The following TBC1D1 variants were observed in gnomAD, a reference collection of about 807,000 sequenced individuals.
TBC1D1 encodes TBC1 domain family member 1.
TBC1D1 carries 89 observed loss-of-function variants against 125.6 expected under a neutral mutation model. The ratio of observed to expected loss-of-function variants is 0.71; its 90% CI spans 0.60 to 0.85. The LOEUF (loss-of-function observed/expected upper bound fraction) is 0.85. Ranked by LOEUF, TBC1D1 falls within the 40% of genes least tolerant of loss-of-function variation. The probability of loss-of-function intolerance (pLI) is 0.00; values close to 1 mark genes in which losing one functional copy is unlikely to be tolerated. For missense variants in TBC1D1, 1,377 were observed against 1,469.2 expected (o/e 0.94, Z 1.03); for synonymous variants, 565 against 564.1 (o/e 1.00, Z -0.02).
At chr4:38,016,063 A>AT (rs1742654120) in intron 3 of TBC1D1, among the ~76,000 whole-genome samples, 1 of 152,232 alleles carries the variant, frequency 6.6e-6, no homozygotes, top group South Asian at 2.1e-4. Flanking sequence ...CCCTTGCCAC[A>AT]TGCTGGAAAT....
At chr4:37,948,007 C>T (rs1026444517) in intron 2 of TBC1D1, among the ~76,000 whole-genome samples, 4 of 152,064 alleles carry the variant, frequency 2.6e-5, no homozygotes, top group African/African-American at 9.7e-5. Flanking sequence ...TACGATTATT[C>T]CTAGTTAACA....
At chr4:38,079,522 G>A (rs939628693) in intron 12 of TBC1D1, among the ~76,000 whole-genome samples, 13 of 152,136 alleles carry the variant, frequency 8.5e-5, no homozygotes, top group Non-Finnish European at 1.8e-4. Flanking sequence ...TCAGGAGTTC[G>A]ACACCTGACT....
At chr4:38,093,714 G>T (rs986648627) in intron 13 of TBC1D1, among the ~76,000 whole-genome samples, 1 of 152,022 alleles carries the variant, frequency 6.6e-6, no homozygotes, top group African/African-American at 2.4e-5. Context: ...AGTAGTAGTA[G>T]TAGAGATGGG....
intron 2 of TBC1D1, among the ~76,000 whole-genome samples, chr4:37,958,122 G>A (rs1578042017): frequency 6.6e-6 from 1 of 152,214 alleles, no homozygotes; most frequent in South Asian, 2.1e-4. Flanking sequence ...CGTTTATGGC[G>A]ACCAAGTTTA....
chr4:37,955,753 C>T (rs1295410075), intron 2 of TBC1D1, among the ~76,000 whole-genome samples: 1 of 152,200 alleles, frequency 6.6e-6, no homozygotes, highest in Non-Finnish European at 1.5e-5. Flanking sequence ...TTGTTATGAG[C>T]ACCTGTGGTC....
chr4:38,128,555 T>C (rs973879059), intron 18 of TBC1D1, among the ~76,000 whole-genome samples: 1 of 152,172 alleles, frequency 6.6e-6, no homozygotes, highest in African/African-American at 2.4e-5. Context: ...TCCTCTGTGA[T>C]AGCTGTGGTT....
At chr4:38,050,018 G>A (rs1750204517) in intron 11 of TBC1D1, 120 bp downstream of exon 11, 5 of 1,195,126 alleles carry the variant, frequency 4.2e-6, no homozygotes, top group Non-Finnish European at 5.8e-6. Context: ...CTCTTGGTTT[G>A]GAGATAAAAC....
intron 2 of TBC1D1, among the ~76,000 whole-genome samples, chr4:37,909,459 T>C (rs1718077314): frequency 6.6e-6 from 1 of 152,170 alleles, no homozygotes; most frequent in African/African-American, 2.4e-5. Flanking sequence ...ATATGCACCA[T>C]TACTTCAGGA....
At chr4:37,900,645 G>A (rs753242925) in intron 1 of TBC1D1, among the ~76,000 whole-genome samples, 1 of 152,112 alleles carries the variant, frequency 6.6e-6, no homozygotes, top group Non-Finnish European at 1.5e-5. Context: ...GGATACAGGA[G>A]AGACTGAAGA....
intron 2 of TBC1D1, among the ~76,000 whole-genome samples, chr4:37,993,427 T>C (rs983644175): frequency 2.0e-5 from 3 of 152,104 alleles, no homozygotes; most frequent in Non-Finnish European, 4.4e-5. Flanking sequence ...CTTTTGAAAA[T>C]GTCATTAGGA....
At chr4:38,055,003 A>G (rs374961902) in intron 12 of TBC1D1, 4 of 152,290 alleles carry the variant, frequency 2.6e-5, no homozygotes, top group African/African-American at 9.6e-5. Flanking sequence ...GAGGAACGTC[A>G]TGCACCAGGT....
At chr4:37,960,822 C>T (rs772147147) in intron 2 of TBC1D1, 17 of 1,613,976 alleles carry the variant, frequency 1.1e-5, no homozygotes, top group Admixed American at 1.7e-5. Flanking sequence ...GAGTTTTGAC[C>T]TGCCTGAAGA....
In TBC1D1 at chr4:38,014,629, C is replaced by T; in HGVS notation, c.538C>T (p.Arg180Cys). ...GAAGTTCGAGGTGCTCTTCTGCGGCCGCGTGACGGTGGCGCACAAGAAGGC... is the reference window on the plus strand; with the variant it reads ...GAAGTTCGAGGTGCTCTTCTGCGGCTGCGTGACGGTGGCGCACAAGAAGGC... The change falls in exon 3 of 20, where the codon CGC (arginine) becomes TGC (cysteine). Residue 180 changes from arginine (R) to cysteine (C), a missense_variant. Coordinates refer to ENST00000261439, the MANE Select transcript of TBC1D1 (RefSeq NM_015173.4). This position sits in a 1 kb window ranked among gnomAD's most constrained non-coding sequence, Gnocchi z 5.1. 1 of 1,613,398 alleles carries T rather than the reference C, an allele frequency of 6.2e-7. No homozygotes were observed. Among genetic ancestry groups the T allele is most frequent in the Non-Finnish European group, 8.5e-7 (1 of 1,180,044 alleles).
intron 10 of TBC1D1, among the ~76,000 whole-genome samples, chr4:38,048,067 G>C (rs188154255): frequency 2.0e-5 from 3 of 152,328 alleles, no homozygotes; most frequent in Admixed American, 1.3e-4. Flanking sequence ...TTCTAAGAGA[G>C]ATGCAACTTT....
chr4:38,041,230 T>C (rs1748305109), intron 8 of TBC1D1, among the ~76,000 whole-genome samples: 1 of 152,200 alleles, frequency 6.6e-6, no homozygotes, highest in Non-Finnish European at 1.5e-5. Context: ...GATGACTGAA[T>C]AAAATAATAC....
At chr4:37,918,371 A>T (rs1203910389) in intron 2 of TBC1D1, among the ~76,000 whole-genome samples, 2 of 151,876 alleles carry the variant, frequency 1.3e-5, no homozygotes, top group Non-Finnish European at 2.9e-5. Context: ...ACGATTTTAG[A>T]TTTTTCTTTT....
chr4:38,085,019 G>A (rs1346372443), intron 12 of TBC1D1, among the ~76,000 whole-genome samples: 2 of 152,226 alleles, frequency 1.3e-5, no homozygotes, highest in African/African-American at 4.8e-5. Context: ...CAGATAGGAG[G>A]TGGTGTGCAC....
rs912197145 is a variant in TBC1D1, at chr4:38,115,652, T to C, written c.2558-58T>C. ...ATCTGAAGCACATTGGATTTCTGGT[T>C]CAATAGGCTTTCTTTTTTTGTTTTT... On this transcript the variant is annotated intron_variant, in intron 15 of 19. Coordinates refer to ENST00000261439, the MANE Select transcript of TBC1D1 (RefSeq NM_015173.4). 16 of 1,551,088 alleles carry C rather than the reference T, an allele frequency of 1.0e-5. No homozygotes were observed. The African/African-American group carries it at 2.2e-4, about 21-fold the overall frequency.
rs754495972 is a variant in TBC1D1 at position 38,035,612 on chromosome 4, C to T, written c.1327C>T (p.Arg443Ter). ...GAAATTGAGACCGAGAAATGAGCAG[C>T]GAGAGAATGAATTGATTATTTCTTT... Residue 443 changes from arginine (R) to a stop codon, truncating the protein, a stop_gained, in exon 8 of 20, where the codon CGA becomes TGA. Transcript: ENST00000261439. LOFTEE classifies it high-confidence loss of function. 60 of 1,613,334 alleles carry T rather than the reference C, an allele frequency of 3.7e-5. No homozygotes were observed. Among genetic ancestry groups the T allele is most frequent in the Middle Eastern group, 1.6e-4 (1 of 6,080 alleles).
Sources: allele counts gnomAD v4.1 joint callset (sites outside exome capture counted in the v4.1 genomes callset), GRCh38; gene constraint gnomAD v4.1.1; non-coding constraint Gnocchi (gnomAD v3.1); transcripts MANE v1.5; gene names NCBI Gene and HGNC (gene_info 2026-07-23, HGNC 2026-07-21).